PARM1: variants seen among roughly 807,000 people sequenced by gnomAD.
The protein encoded by PARM1 is prostate androgen-regulated mucin-like protein 1.
Under a neutral mutation model 24.6 loss-of-function variants are expected in PARM1, and 14 were observed. The ratio of observed to expected loss-of-function variants is 0.57; its 90% confidence interval spans 0.38 to 0.89. The LOEUF (loss-of-function observed/expected upper bound fraction) is 0.89, where lower values mean the gene tolerates loss of function less well. Among genes scored for constraint, PARM1 ranks in the 40% least tolerant of loss-of-function variants. PARM1 has a pLI of 0.00. For missense variants in PARM1, 362 were observed against 380.4 expected, an observed-to-expected ratio of 0.95 and a Z score of 0.40; for synonymous variants, 179 against 156.6, an observed-to-expected ratio of 1.14 and a Z score of -1.07.
At chr4:74,948,230 T>A (rs762741960) in intron 1 of PARM1, among the ~76,000 whole-genome samples, 1 of 152,192 alleles carries the variant, frequency 6.6e-6, no homozygotes, top group African/African-American at 2.4e-5. Context: ...ACATGGCAAG[T>A]GCTCCATGCT....
intron 2 of PARM1, among the ~76,000 whole-genome samples, chr4:75,019,184 A>C (rs1723042377): frequency 6.6e-6 from 1 of 152,226 alleles, no homozygotes. Context: ...TTATTAAATC[A>C]GATCTCTTCA....
intron 2 of PARM1, among the ~76,000 whole-genome samples, chr4:75,026,676 A>G (rs1723187632): frequency 6.6e-6 from 1 of 152,198 alleles, no homozygotes; most frequent in Non-Finnish European, 1.5e-5. Context: ...TGAGTACTCA[A>G]CCATTTACAT....
chr4:74,984,691 C>T lies in PARM1; in HGVS notation c.44-27734C>T, dbSNP rs569182254. Among the ~76,000 whole-genome samples the T allele has an allele frequency of 4.6e-5, 7 of 152,264 alleles. No homozygotes were observed. The South Asian group carries it at 1.5e-3, about 32-fold the overall frequency. On this transcript the variant is annotated intron_variant, in intron 1 of 3. Coordinates refer to ENST00000307428, the MANE Select transcript of PARM1 (RefSeq NM_015393.4). ...CTAATTTTTTTTGAAATGTCATTAA[C>T]ATAGCGTAGACTGTTTTAAGTGTTT...
At chr4:75,024,768 G>A (rs1333377942) in intron 2 of PARM1, among the ~76,000 whole-genome samples, 3 of 151,966 alleles carry the variant, frequency 2.0e-5, no homozygotes, top group Non-Finnish European at 4.4e-5. Flanking sequence ...GCTTGATTTC[G>A]GCTCACTGCA....
intron 1 of PARM1, among the ~76,000 whole-genome samples, chr4:74,981,752 G>A (rs1175653946): frequency 6.6e-6 from 1 of 151,958 alleles, no homozygotes; most frequent in Non-Finnish European, 1.5e-5. Flanking sequence ...GAAGGCGCCT[G>A]TAATCCCAGC....
intron 1 of PARM1, among the ~76,000 whole-genome samples, chr4:74,958,717 G>T (rs1031439265): frequency 6.6e-6 from 1 of 152,166 alleles, no homozygotes; most frequent in Non-Finnish European, 1.5e-5. Flanking sequence ...TGGCTCTGAA[G>T]AACTTACTAA....
intron 2 of PARM1, among the ~76,000 whole-genome samples, chr4:75,033,512 A>G (rs1443680463): frequency 6.6e-6 from 1 of 152,202 alleles, no homozygotes; most frequent in Non-Finnish European, 1.5e-5. Context: ...AGAAAATAGG[A>G]CATCAAGAAA....
At chr4:75,038,950 A>C (rs540994006) in intron 3 of PARM1, among the ~76,000 whole-genome samples, 1 of 152,350 alleles carries the variant, frequency 6.6e-6, no homozygotes, top group East Asian at 1.9e-4. Context: ...AAATAAATGC[A>C]GTCTTGATTT....
chr4:74,987,354 G>A (rs902953750), intron 1 of PARM1, among the ~76,000 whole-genome samples: 9 of 152,136 alleles, frequency 5.9e-5, no homozygotes, highest in African/African-American at 2.2e-4. Flanking sequence ...CATGAGAAGA[G>A]ACAGAGAACT....
chr4:74,949,918 T>G (rs547965266), intron 1 of PARM1, among the ~76,000 whole-genome samples: 3 of 152,188 alleles, frequency 2.0e-5, no homozygotes, highest in Admixed American at 2.0e-4. Flanking sequence ...GCTCTTTTGG[T>G]TTTTATGTCA....
At chr4:75,015,153 C>A (rs764149870) in intron 2 of PARM1, among the ~76,000 whole-genome samples, 1 of 152,194 alleles carries the variant, frequency 6.6e-6, no homozygotes, top group East Asian at 1.9e-4. Flanking sequence ...AAAATCTAAG[C>A]TTAGCATACA....
In PARM1 at chr4:75,049,267, G is replaced by A. The variant is rs1217076702; in HGVS notation, c.*3020G>A. The A allele has an allele frequency of 6.6e-6, 1 of 152,144 alleles. No individual in the cohort carries two copies. The highest frequency in any genetic ancestry group is 1.5e-5 in the Non-Finnish European group (1 of 68,024). The allele number at this position is 152,144 out of a possible 1,614,324, so 9.4% of individuals were successfully genotyped here. On this transcript the variant is annotated 3_prime_UTR_variant, in exon 4 of 4. Transcript: ENST00000307428. Reference sequence around the variant, plus strand: ...AAAATGGGGGTGATGCTTTCATATTGACCTCACCCCATACTACCTCACAGA... The same window carrying A: ...AAAATGGGGGTGATGCTTTCATATTAACCTCACCCCATACTACCTCACAGA...
At position 74,992,681 on chromosome 4, in the gene PARM1, G is replaced by T. The variant is rs1050994085; in HGVS notation, c.44-19744G>T. 2.0e-5 allele frequency among the ~76,000 whole-genome samples: 3 copies of T among 152,132 alleles called. No individual in the cohort carries two copies. In the South Asian group the frequency reaches 6.2e-4, roughly 32 times the overall value. On this transcript the variant is annotated intron_variant, in intron 1 of 3. Coordinates refer to ENST00000307428, the MANE Select transcript of PARM1 (RefSeq NM_015393.4). ...TCAATGGAAACAGTGCAAGTGAGAA[G>T]AAAGTGAAGAAGCAGCTTTAAAGTA...
chr4:74,979,160 T>A, intron 1 of PARM1, among the ~76,000 whole-genome samples: 1 of 151,028 alleles, frequency 6.6e-6, no homozygotes, highest in African/African-American at 2.4e-5. Context: ...AAAAAAACCT[T>A]CGAAAAAATC....
At chr4:74,951,703 T>C (rs956207035) in intron 1 of PARM1, among the ~76,000 whole-genome samples, 3 of 152,154 alleles carry the variant, frequency 2.0e-5, no homozygotes, top group African/African-American at 7.2e-5. Flanking sequence ...TTTCTGTTCC[T>C]GTGTTAGTTT....
intron 1 of PARM1, among the ~76,000 whole-genome samples, chr4:74,944,613 G>T (rs1721375508): frequency 6.6e-6 from 1 of 152,146 alleles, no homozygotes; most frequent in South Asian, 2.1e-4. Flanking sequence ...TCTCTCACCG[G>T]AAGGAAAAGA....
intron 1 of PARM1, among the ~76,000 whole-genome samples, chr4:75,005,229 C>T (rs1283209069): frequency 2.6e-5 from 4 of 152,160 alleles, no homozygotes; most frequent in Admixed American, 1.3e-4. Context: ...GCAATGCTCC[C>T]GGCTGACTTG....
chr4:74,944,888 T>C lies in PARM1; in HGVS notation c.43+11518T>C, dbSNP rs541641054. ...CACATTACACAGAAATAGATAAGAA[T>C]GTATCTGTCACCTACCCATACCTGA... On this transcript the variant is annotated intron_variant, in intron 1 of 3. Transcript: ENST00000307428. Among the ~76,000 whole-genome samples, 5 of 152,324 alleles carry C rather than the reference T, an allele frequency of 3.3e-5. No individual in the cohort carries two copies. In the South Asian group the frequency reaches 1.0e-3, roughly 32 times the overall value.
chr4:75,037,102 A>C (rs1020883725), intron 3 of PARM1, among the ~76,000 whole-genome samples: 8 of 152,222 alleles, frequency 5.3e-5, no homozygotes, highest in Non-Finnish European at 1.0e-4. Flanking sequence ...TTAATCGTTC[A>C]TCAAAAATAC....
Sources: gnomAD v4.1 joint callset for allele counts (sites outside exome capture counted in the v4.1 genomes callset) on GRCh38, gnomAD v4.1.1 for gene constraint, MANE v1.5 for transcripts, NCBI Gene and HGNC (gene_info 2026-07-23, HGNC 2026-07-21) for gene names.